RAB37: variants seen among roughly 807,000 people sequenced by gnomAD.
RAB37 encodes the protein ras-related protein Rab-37.
A neutral mutation model predicts 33.1 loss-of-function variants in RAB37; 29 were observed. That is an observed-to-expected ratio of 0.88 (90% CI 0.65 to 1.20). RAB37 has a LOEUF of 1.20. RAB37 is among the 50% of genes most tolerant of loss of function. The pLI, the probability that RAB37 is intolerant of heterozygous loss-of-function variation, is 0.00. For missense variants in RAB37, 299 were observed against 301.1 expected, an observed-to-expected ratio of 0.99 and a Z score of 0.05; for synonymous variants, 128 against 119.5, an observed-to-expected ratio of 1.07 and a Z score of -0.47.
intron 1 of RAB37, among the ~76,000 whole-genome samples, chr17:74,687,925 G>A (rs998789707): frequency 2.0e-5 from 3 of 152,222 alleles, no homozygotes; most frequent in Admixed American, 6.5e-5. Flanking sequence ...GTTACCAACT[G>A]TCCTTTCTTA....
At chr17:74,715,819 G>C (rs1250092315) in intron 1 of RAB37, among the ~76,000 whole-genome samples, 1 of 152,112 alleles carries the variant, frequency 6.6e-6, no homozygotes, top group Non-Finnish European at 1.5e-5. Context: ...CCTGAGGTCA[G>C]GAGTTCAGGA....
At chr17:74,704,304 G>T in intron 1 of RAB37, 6 of 606,066 alleles carry the variant, frequency 9.9e-6, no homozygotes, top group Non-Finnish European at 1.7e-5. Context: ...GGAGCCATGG[G>T]GGCATTGAAG....
In RAB37 at chr17:74,742,999, T is replaced by C. The variant is rs1377627430; in HGVS notation, c.247-130T>C. ...AGGTCATTGGATGCTCAGGGGCTCA[T>C]GAGAACCTAAAGAAGAAAACAGCCC... On this transcript the variant is annotated intron_variant, in intron 3 of 8. Coordinates refer to ENST00000392613, the MANE Select transcript of RAB37 (RefSeq NM_001006638.3). This position sits in a 1 kb window ranked among gnomAD's most constrained non-coding sequence, Gnocchi z 4.0. 3.9e-6 allele frequency: 3 copies of C among 770,522 alleles called. No individual in the cohort carries two copies. Among genetic ancestry groups the C allele is most frequent in the East Asian group, 4.9e-5 (2 of 40,546 alleles). The allele number at this position is 770,522 out of a possible 1,614,324, so 47.7% of individuals were successfully genotyped here.
chr17:74,703,088 G>T (rs2033210187), intron 1 of RAB37: 1 of 1,614,048 alleles, frequency 6.2e-7, no homozygotes, highest in Non-Finnish European at 8.5e-7. Context: ...TTTCTTCTTG[G>T]GTGACTGGTG....
In RAB37 at chr17:74,742,341, C is replaced by T. The variant is rs779016289; in HGVS notation, c.246+46C>T. The T allele has an allele frequency of 8.7e-6, 13 of 1,502,108 alleles. No homozygotes were observed. Among genetic ancestry groups the T allele is most frequent in the South Asian group, 1.2e-5 (1 of 86,488 alleles). The allele number at this position is 1,502,108 out of a possible 1,614,324, so 93.0% of individuals were successfully genotyped here. On this transcript the variant is annotated intron_variant, in intron 3 of 8. Coordinates refer to ENST00000392613, the MANE Select transcript of RAB37 (RefSeq NM_001006638.3). The surrounding 1 kb of genome is among the most constrained non-coding windows in gnomAD (Gnocchi z 4.0). The stretch of plus-strand genomic sequence containing the variant: ...TGGGGAGGGAGGATGGAGGACCTGC[C>T]CTTCCTTCTCACCCTGAACCACAGG...
At chr17:74,697,392 G>C (rs570235013) in intron 1 of RAB37, among the ~76,000 whole-genome samples, 1 of 152,304 alleles carries the variant, frequency 6.6e-6, no homozygotes, top group African/African-American at 2.4e-5. Flanking sequence ...CAAAAGTCTA[G>C]ATGCTGGAGA....
At chr17:74,681,700 G>A (rs943614280) in intron 1 of RAB37, among the ~76,000 whole-genome samples, 6 of 152,164 alleles carry the variant, frequency 3.9e-5, no homozygotes, top group African/African-American at 1.4e-4. Context: ...CAGACAGCAG[G>A]CACATGAGAA....
intron 1 of RAB37, among the ~76,000 whole-genome samples, chr17:74,713,361 C>T (rs570545432): frequency 4.2e-4 from 64 of 151,172 alleles, no homozygotes; most frequent in African/African-American, 1.3e-3. Flanking sequence ...GGTGAAATTT[C>T]GAGGCAGTTG....
At position 74,710,945 on chromosome 17, in the gene RAB37, C is replaced by CAGG. The variant is rs10673641; in HGVS notation, c.73-18306_73-18304dup. Among the ~76,000 whole-genome samples the CAGG allele has an allele frequency of 2.2e-3, 335 of 152,062 alleles. 2 individuals are homozygous for CAGG. The highest frequency in any genetic ancestry group is 0.017 in the Middle Eastern group (5 of 292). On this transcript the variant is annotated intron_variant, in intron 1 of 7. Transcript: ENST00000340415. ...ATCCCAGCAACTCAGACGGCCAAGG[C>CAGG]AGGAGGATCACTTGAGCCCAGGAGT...
At position 74,713,470 on chromosome 17, in the gene RAB37, G is replaced by A. The variant is rs548573938; in HGVS notation, c.73-15786G>A. On this transcript the variant is annotated intron_variant, in intron 1 of 7. Coordinates refer to the RAB37 transcript ENST00000340415. ...AAAAAGAGAACTTCGTGGCTCCTCT[G>A]TCATGTGGAAACCTGCAGACAGATC... 1.3e-3 allele frequency among the ~76,000 whole-genome samples: 203 copies of A among 152,214 alleles called. 1 individual carries two copies. Among genetic ancestry groups the A allele is most frequent in the Non-Finnish European group, 2.4e-3 (162 of 68,014 alleles).
intron 1 of RAB37, among the ~76,000 whole-genome samples, chr17:74,728,733 T>C (rs2034341767): frequency 6.6e-6 from 1 of 152,060 alleles, no homozygotes; most frequent in African/African-American, 2.4e-5. Context: ...CATATATGTG[T>C]ACATGTGTTT....
chr17:74,739,852 A>C (rs1300135634), intron 1 of RAB37, among the ~76,000 whole-genome samples: 1 of 152,104 alleles, frequency 6.6e-6, no homozygotes. Flanking sequence ...TTTAATAAAC[A>C]TAAAATGTCA....
intron 1 of RAB37, among the ~76,000 whole-genome samples, chr17:74,719,480 AT>A (rs1250427244): frequency 6.6e-6 from 1 of 152,000 alleles, no homozygotes; most frequent in Non-Finnish European, 1.5e-5. Context: ...AAATAAAATA[AT>A]TTGCTCACAA....
chr17:74,735,021 G>GA (rs1213082339), upstream of RAB37, among the ~76,000 whole-genome samples: 1 of 45,096 alleles, frequency 2.2e-5, no homozygotes, highest in Non-Finnish European at 8.3e-5. Flanking sequence ...AAGGAAGGAA[G>GA]AAAGAAAGAA....
At chr17:74,675,376 A>G (rs533086448) in intron 1 of RAB37, among the ~76,000 whole-genome samples, 1 of 152,062 alleles carries the variant, frequency 6.6e-6, no homozygotes, top group East Asian at 1.9e-4. Context: ...CAGAGGTTGC[A>G]GTGAACCAAG....
At chr17:74,736,642 G>A (rs1598319961), upstream of RAB37, 4 of 1,535,138 alleles carry the variant, frequency 2.6e-6, no homozygotes, top group East Asian at 2.4e-5. Context: ...CCAACAGGCC[G>A]GGGGAAATGA....
At chr17:74,698,032 G>A (rs1006176834) in intron 1 of RAB37, among the ~76,000 whole-genome samples, 8 of 152,098 alleles carry the variant, frequency 5.3e-5, no homozygotes, top group South Asian at 2.1e-4. Flanking sequence ...CAACTCTAGC[G>A]TCTAGTCTAG....
chr17:74,739,861 C>A (rs1365808881), intron 1 of RAB37, among the ~76,000 whole-genome samples: 1 of 152,022 alleles, frequency 6.6e-6, no homozygotes, highest in African/African-American at 2.4e-5. Flanking sequence ...CATAAAATGT[C>A]ATTAGAAACT....
chr17:74,672,735 A>G (rs2031733794), intron 1 of RAB37: 1 of 152,244 alleles, frequency 6.6e-6, no homozygotes, highest in Non-Finnish European at 1.5e-5. Flanking sequence ...TGTGCAGTCC[A>G]TGGACCAGCA....
Sources: gnomAD v4.1 joint callset for allele counts (sites outside exome capture counted in the v4.1 genomes callset) on GRCh38, gnomAD v4.1.1 for gene constraint, Gnocchi (gnomAD v3.1) non-coding constraint, MANE v1.5 for transcripts, NCBI Gene and HGNC (gene_info 2026-07-23, HGNC 2026-07-21) for gene names.